The following SV2B variants were observed in gnomAD, a reference collection of about 807,000 sequenced individuals.
The protein encoded by SV2B is solute carrier family 22 member B2.
A neutral mutation model predicts 73.9 loss-of-function variants in SV2B; 41 were observed. The ratio of observed to expected loss-of-function variants is 0.56; its 90% CI spans 0.43 to 0.72. The LOEUF (loss-of-function observed/expected upper bound fraction) is 0.72, where lower values mean the gene tolerates loss of function less well. SV2B is among the 30% of genes least tolerant of loss of function. The pLI, the probability that SV2B is intolerant of heterozygous loss-of-function variation, is 0.00. For missense variants in SV2B, 764 were observed against 857.8 expected (o/e 0.89, Z 1.37); for synonymous variants, 314 against 314.2 (o/e 1.00, Z 0.01).
chr15:91,178,684 G>T (rs1029478527), intron 1 of SV2B, among the ~76,000 whole-genome samples: 322 of 151,656 alleles, frequency 2.1e-3, no homozygotes, highest in African/African-American at 7.5e-3. Flanking sequence ...TTGCGTAGAG[G>T]TGTTTGTAGT....
At chr15:91,235,904 G>C (rs3784774) in intron 2 of SV2B, among the ~76,000 whole-genome samples, 57,038 of 152,078 alleles carry the variant, frequency 0.38, 14,769 homozygotes, top group African/African-American at 0.74. Flanking sequence ...GAGATAGAGA[G>C]GGGGAGAGAG....
rs186849905 is a variant in SV2B, at chr15:91,113,787, T to A, written c.-392+13424T>A. ...ACAGGTTGCATAGCCTCAGACAAGTTTAACTTCACAGAGCCTCAATTTCCT... is the reference window on the plus strand; with the variant it reads ...ACAGGTTGCATAGCCTCAGACAAGTATAACTTCACAGAGCCTCAATTTCCT... On this transcript the variant is annotated intron_variant, in intron 1 of 12. Coordinates refer to ENST00000394232, the MANE Select transcript of SV2B (RefSeq NM_001323032.3). Among the ~76,000 whole-genome samples the A allele has an allele frequency of 6.4e-4, 98 of 152,320 alleles. No homozygotes were observed. The East Asian group carries it at 0.016, about 25-fold the overall frequency.
At chr15:91,250,475 G>T (rs1005058862) in intron 2 of SV2B, among the ~76,000 whole-genome samples, 1 of 152,082 alleles carries the variant, frequency 6.6e-6, no homozygotes, top group Non-Finnish European at 1.5e-5. Context: ...TCAACATAGA[G>T]CAATTAGGCA....
At chr15:91,173,087 C>T (rs975657730) in intron 1 of SV2B, among the ~76,000 whole-genome samples, 3 of 151,900 alleles carry the variant, frequency 2.0e-5, no homozygotes, top group Non-Finnish European at 4.4e-5. Context: ...TTGGTTGGTG[C>T]GATGAGGAGT....
intron 1 of SV2B, among the ~76,000 whole-genome samples, chr15:91,125,469 C>G (rs945153679): frequency 1.3e-5 from 2 of 152,058 alleles, no homozygotes; most frequent in African/African-American, 4.8e-5. Context: ...AGTGAGGCTT[C>G]CCTTAAGAAC....
intron 1 of SV2B, among the ~76,000 whole-genome samples, chr15:91,192,473 A>C (rs1345867055): frequency 1.3e-5 from 2 of 152,154 alleles, no homozygotes; most frequent in African/African-American, 4.8e-5. Flanking sequence ...GGCCTCTTTA[A>C]ACTTCAGGTT....
chr15:91,195,183 G>A (rs1348532938), intron 1 of SV2B, among the ~76,000 whole-genome samples: 1 of 151,580 alleles, frequency 6.6e-6, no homozygotes, highest in Non-Finnish European at 1.5e-5. Flanking sequence ...TTTGAGATGG[G>A]GTCCCCCTCT....
chr15:91,171,035 A>G (rs902868198), intron 1 of SV2B, among the ~76,000 whole-genome samples: 1 of 152,212 alleles, frequency 6.6e-6, no homozygotes, highest in Non-Finnish European at 1.5e-5. Context: ...TGAGGAAACT[A>G]CGGCTCAGAG....
chr15:91,284,230 C>G lies in SV2B; in HGVS notation c.1708+9C>G, dbSNP rs758437670. 6.2e-7 allele frequency: 1 copy of G among 1,613,828 alleles called. No individual in the cohort carries two copies. The highest frequency in any genetic ancestry group is 1.3e-5 in the African/African-American group (1 of 74,918). On this transcript the variant is annotated intron_variant, in intron 11 of 12. Coordinates refer to ENST00000394232, the MANE Select transcript of SV2B (RefSeq NM_001323032.3). This position sits in a 1 kb window ranked among gnomAD's most constrained non-coding sequence, Gnocchi z 4.5. ...AAGGCTCAAGATGATTGGTGAGTTG[C>G]CAGCAGGGTCATTCCTGGGTTCCAA...
intron 1 of SV2B, among the ~76,000 whole-genome samples, chr15:91,144,562 T>C (rs1222455917): frequency 6.6e-6 from 1 of 152,226 alleles, no homozygotes; most frequent in African/African-American, 2.4e-5. Context: ...GATGTGTGCA[T>C]CTTTTCTAGT....
intron 1 of SV2B, among the ~76,000 whole-genome samples, chr15:91,119,209 G>A (rs543435823): frequency 1.3e-5 from 2 of 152,342 alleles, no homozygotes; most frequent in African/African-American, 4.8e-5. Flanking sequence ...ATCTTTTTAA[G>A]GATAAATCCT....
In SV2B at chr15:91,290,093, A is replaced by T. The variant is rs1158940648; in HGVS notation, c.1868+413A>T. ...TCGGGAGGCAGCATGAAGTCCAGGG[A>T]ATCTGCAGAGAATGTGGCAGGGAGG... On this transcript the variant is annotated intron_variant, in intron 12 of 12. Coordinates refer to ENST00000394232, the MANE Select transcript of SV2B (RefSeq NM_001323032.3). This position sits in a 1 kb window ranked among gnomAD's most constrained non-coding sequence, Gnocchi z 4.7. 6.6e-6 allele frequency among the ~76,000 whole-genome samples: 1 copy of T among 152,202 alleles called. No homozygotes were observed. The highest frequency in any genetic ancestry group is 2.4e-5 in the African/African-American group (1 of 41,436).
At chr15:91,143,222 C>T (rs748430078) in intron 1 of SV2B, among the ~76,000 whole-genome samples, 1 of 152,150 alleles carries the variant, frequency 6.6e-6, no homozygotes, top group Non-Finnish European at 1.5e-5. Flanking sequence ...TAGGGCTGTC[C>T]ATAAGAACCG....
intron 1 of SV2B, among the ~76,000 whole-genome samples, chr15:91,156,998 G>A (rs1245470939): frequency 6.6e-6 from 1 of 152,202 alleles, no homozygotes; most frequent in African/African-American, 2.4e-5. Context: ...TTGCTGCCCA[G>A]GGCTCTCTAT....
rs114399282 is a variant in SV2B, at chr15:91,141,295, G to A, written c.-392+40932G>A. Among the ~76,000 whole-genome samples the A allele has an allele frequency of 4.2e-3, 635 of 152,326 alleles. 7 individuals are homozygous for A. Among genetic ancestry groups the A allele is most frequent in the African/African-American group, 0.015 (622 of 41,560 alleles). On this transcript the variant is annotated intron_variant, in intron 1 of 12. Transcript: ENST00000394232. The surrounding 1 kb of genome is among the most constrained non-coding windows in gnomAD (Gnocchi z 4.6). ...GAGTTAGAGCTATTCTAGCAAGGGCGTGGAGTGTTTCCAGATTTTTGCTGG... is the reference window on the plus strand; with the variant it reads ...GAGTTAGAGCTATTCTAGCAAGGGCATGGAGTGTTTCCAGATTTTTGCTGG...
chr15:91,183,115 T>C (rs1450798785), intron 1 of SV2B, among the ~76,000 whole-genome samples: 2 of 152,202 alleles, frequency 1.3e-5, no homozygotes, highest in African/African-American at 4.8e-5. Flanking sequence ...TTTGGAGTGA[T>C]TAACATGGGG....
intron 1 of SV2B, among the ~76,000 whole-genome samples, chr15:91,158,671 CT>C (rs1567300513): frequency 4.1e-4 from 28 of 67,782 alleles, no homozygotes; most frequent in Admixed American, 3.1e-3. Context: ...CTTCTCTTCT[CT>C]TCTCTTCTCT....
Position 91,280,433 on chromosome 15 carries a change from T to C in SV2B, c.1374-1295T>C, listed in dbSNP as rs750206689. ...GCAGGGACCATGACTTTCCTCTCTA[T>C]ACTCATAGCACCTAGTACCATGCTC... On this transcript the variant is annotated intron_variant, in intron 9 of 12. Transcript: ENST00000394232. The surrounding 1 kb of genome is among the most constrained non-coding windows in gnomAD (Gnocchi z 5.8). Among the ~76,000 whole-genome samples, 11 of 152,218 alleles carry C rather than the reference T, an allele frequency of 7.2e-5. No individual in the cohort carries two copies. Among genetic ancestry groups the C allele is most frequent in the Non-Finnish European group, 8.8e-5 (6 of 68,028 alleles).
intron 1 of SV2B, among the ~76,000 whole-genome samples, chr15:91,154,759 A>G (rs1217310425): frequency 6.6e-6 from 1 of 152,178 alleles, no homozygotes; most frequent in Non-Finnish European, 1.5e-5. Flanking sequence ...TGGGCTGTCC[A>G]CAGGAAGAGG....
Sources: allele counts gnomAD v4.1 joint callset (sites outside exome capture counted in the v4.1 genomes callset), GRCh38; gene constraint gnomAD v4.1.1; non-coding constraint Gnocchi (gnomAD v3.1); transcripts MANE v1.5; gene names NCBI Gene and HGNC (gene_info 2026-07-23, HGNC 2026-07-21).